Variants in RGS6 observed in about 807,000 individuals in gnomAD.
RGS6 encodes regulator of G-protein signaling 6.
In RGS6, 30 loss-of-function variants were observed where a neutral mutation model predicts 78.5. The observed-to-expected ratio is 0.38, with a 90% CI of 0.29 to 0.52. The LOEUF (loss-of-function observed/expected upper bound fraction) is 0.52. Among genes scored for constraint, RGS6 ranks in the 20% least tolerant of loss-of-function variants. The probability of loss-of-function intolerance (pLI) is 0.85; values close to 1 mark genes in which losing one functional copy is unlikely to be tolerated. For missense variants in RGS6, 495 were observed against 609.7 expected (o/e 0.81, Z 1.98); for synonymous variants, 206 against 206.0 (o/e 1.00, Z 0.00).
intron 2 of RGS6, among the ~76,000 whole-genome samples, chr14:72,108,027 T>C (rs1316854964): frequency 1.3e-5 from 2 of 152,208 alleles, no homozygotes; most frequent in Non-Finnish European, 2.9e-5. Context: ...TTAATGTTCT[T>C]AGTTTCATAT....
intron 3 of RGS6, among the ~76,000 whole-genome samples, chr14:72,355,959 G>A (rs1412391143): frequency 6.6e-6 from 1 of 152,200 alleles, no homozygotes; most frequent in African/African-American, 2.4e-5. Flanking sequence ...GAAGCCACGT[G>A]AGAATGGTGA....
intron 2 of RGS6, among the ~76,000 whole-genome samples, chr14:72,324,146 CTA>C (rs1263953486): frequency 1.4e-4 from 21 of 152,084 alleles, no homozygotes; most frequent in African/African-American, 5.1e-4. Flanking sequence ...ATTTATATCT[CTA>C]TATCCTAACA....
chr14:72,629,851 C>A, the RGS6 span: 3 of 859,566 alleles, frequency 3.5e-6, no homozygotes, highest in Admixed American at 2.2e-5. Context: ...GGTAGCATGA[C>A]GTAGGGAAAA....
intron 3 of RGS6, among the ~76,000 whole-genome samples, chr14:72,407,481 G>A (rs1027449552): frequency 5.3e-5 from 8 of 152,172 alleles, no homozygotes; most frequent in East Asian, 1.9e-4. Context: ...ATGTGATTAC[G>A]GAGGCTGAGA....
chr14:72,570,024 A>C (rs375670945), downstream of RGS6, among the ~76,000 whole-genome samples: 238 of 152,354 alleles, frequency 1.6e-3, 1 homozygote, highest in African/African-American at 5.6e-3. Context: ...CACACATTGA[A>C]GAGAATGTAT....
At chr14:72,360,284 G>C (rs2152783402) in intron 3 of RGS6, among the ~76,000 whole-genome samples, 1 of 152,226 alleles carries the variant, frequency 6.6e-6, no homozygotes, top group East Asian at 1.9e-4. Context: ...CACTTTGGGA[G>C]GCTGAGGTAG....
At chr14:72,551,973 C>A (rs184721612) in intron 17 of RGS6, among the ~76,000 whole-genome samples, 1 of 152,196 alleles carries the variant, frequency 6.6e-6, no homozygotes, top group Non-Finnish European at 1.5e-5. Flanking sequence ...GTGTGCAGTG[C>A]GTGTGCTTAA....
rs146228632 is a variant in RGS6 at position 72,059,863 on chromosome 14, A to C, written c.84+94988A>C. ...CTCCCTAGAAGCCAGACACTGCCTG[A>C]TCTTGATCTTGGACTTTCCAGGCTT... On this transcript the variant is annotated intron_variant, in intron 2 of 17. Coordinates refer to ENST00000553525, the MANE Select transcript of RGS6 (RefSeq NM_001204424.2). Among the ~76,000 whole-genome samples the C allele has an allele frequency of 8.0e-3, 1,211 of 152,284 alleles. 17 individuals carry two copies. Among genetic ancestry groups the C allele is most frequent in the African/African-American group, 0.027 (1,140 of 41,554 alleles).
At chr14:72,023,255 T>C (rs139301163) in intron 2 of RGS6, among the ~76,000 whole-genome samples, 101 of 152,322 alleles carry the variant, frequency 6.6e-4, no homozygotes, top group Admixed American at 1.8e-3. Context: ...GGAAATATAT[T>C]TGGTGGAGCT....
intron 8 of RGS6, among the ~76,000 whole-genome samples, chr14:72,471,893 A>G (rs1168219687): frequency 6.6e-6 from 1 of 152,254 alleles, no homozygotes; most frequent in African/African-American, 2.4e-5. Flanking sequence ...TTCTTCCAGA[A>G]TCAAACAGCA....
intron 2 of RGS6, among the ~76,000 whole-genome samples, chr14:72,205,178 G>A (rs1156526524): frequency 6.6e-6 from 1 of 152,146 alleles, no homozygotes; most frequent in African/African-American, 2.4e-5. Context: ...GAGCTCCCAT[G>A]TCCTCATCAT....
intron 2 of RGS6, among the ~76,000 whole-genome samples, chr14:72,211,483 G>A (rs1025262618): frequency 1.3e-5 from 2 of 152,210 alleles, no homozygotes; most frequent in Non-Finnish European, 2.9e-5. Flanking sequence ...TGTAAAGACA[G>A]TAGTAATAGA....
chr14:72,588,558 C>T, the RGS6 span, among the ~76,000 whole-genome samples: 2 of 152,078 alleles, frequency 1.3e-5, no homozygotes, highest in Non-Finnish European at 2.9e-5. Context: ...TGTATTAATG[C>T]CTGAGAGCCT....
chr14:72,327,902 A>T (rs560695129), intron 2 of RGS6, among the ~76,000 whole-genome samples: 1 of 151,410 alleles, frequency 6.6e-6, no homozygotes, highest in South Asian at 2.1e-4. Context: ...TAACAATAGG[A>T]TATAGCCTAG....
chr14:71,878,432 A>G, the RGS6 span, among the ~76,000 whole-genome samples: 1 of 152,048 alleles, frequency 6.6e-6, no homozygotes, highest in African/African-American at 2.4e-5. Context: ...TCAATCTCAG[A>G]CTGCTGTGCT....
intron 2 of RGS6, among the ~76,000 whole-genome samples, chr14:72,090,947 C>A (rs2095249082): frequency 6.6e-6 from 1 of 152,210 alleles, no homozygotes; most frequent in African/African-American, 2.4e-5. Flanking sequence ...GGACTGAAGT[C>A]TTGCTCCTGG....
chr14:72,052,555 A>C (rs573065885), intron 2 of RGS6, among the ~76,000 whole-genome samples: 1 of 152,338 alleles, frequency 6.6e-6, no homozygotes, highest in Middle Eastern at 3.4e-3. Flanking sequence ...GACTGAAAAC[A>C]GGGCAGACCA....
At chr14:72,427,948 C>A (rs1386168845) in intron 3 of RGS6, among the ~76,000 whole-genome samples, 1 of 151,976 alleles carries the variant, frequency 6.6e-6, no homozygotes, top group Non-Finnish European at 1.5e-5. Context: ...AAGAAAGATG[C>A]TCATTTTCCC....
chr14:72,252,258 G>A (rs199575107), intron 2 of RGS6, among the ~76,000 whole-genome samples: 1 of 426 alleles, frequency 2.3e-3, no homozygotes, highest in Non-Finnish European at 5.0e-3. Context: ...GACAGAAAAG[G>A]TTTTCAAAAA....
Sources: gnomAD v4.1 joint callset for allele counts (sites outside exome capture counted in the v4.1 genomes callset) on GRCh38, gnomAD v4.1.1 for gene constraint, MANE v1.5 for transcripts, NCBI Gene and HGNC (gene_info 2026-07-23, HGNC 2026-07-21) for gene names.